The following MTUS2 variants were observed in gnomAD, a reference collection of about 807,000 sequenced individuals.
The protein encoded by MTUS2 is microtubule-associated tumor suppressor candidate 2.
In MTUS2, 40 loss-of-function variants were observed where a neutral mutation model predicts 114.1. That is an observed-to-expected ratio of 0.35 (90% CI 0.27 to 0.46). The LOEUF (loss-of-function observed/expected upper bound fraction) is 0.46. MTUS2 is among the 20% of genes least tolerant of loss of function. The pLI, the probability that MTUS2 is intolerant of heterozygous loss-of-function variation, is 1.00. For synonymous variants in MTUS2, 688 were observed against 672.0 expected, an observed-to-expected ratio of 1.02 and a Z score of -0.37; for missense variants, 1,679 against 1,705.4, an observed-to-expected ratio of 0.98 and a Z score of 0.27.
chr13:29,389,518 TGTGTATATATGTATACAC>T (rs1873037458), intron 8 of MTUS2, among the ~76,000 whole-genome samples: 5 of 56,188 alleles, frequency 8.9e-5, no homozygotes, highest in Non-Finnish European at 2.3e-4. Flanking sequence ...CGTGTGTGTA[TGTGTATATATGTATACAC>T]GTGTGTATAT....
At chr13:29,196,203 TCTC>T (rs1442945101) in intron 5 of MTUS2, among the ~76,000 whole-genome samples, 3 of 151,676 alleles carry the variant, frequency 2.0e-5, no homozygotes, top group East Asian at 1.9e-4. Context: ...TTCAAGCAAT[TCTC>T]CTACCTCAGC....
At chr13:29,366,523 A>G (rs1029523888) in intron 8 of MTUS2, among the ~76,000 whole-genome samples, 1 of 152,180 alleles carries the variant, frequency 6.6e-6, no homozygotes, top group Non-Finnish European at 1.5e-5. Flanking sequence ...CAGTTGGTAG[A>G]GCATGACACT....
intron 10 of MTUS2, chr13:29,487,654 G>C: frequency 1.9e-6 from 1 of 536,596 alleles, no homozygotes; most frequent in Non-Finnish European, 3.4e-6. Flanking sequence ...GGACTCTAAA[G>C]AGGTACCTCA....
intron 3 of MTUS2, among the ~76,000 whole-genome samples, chr13:29,031,577 T>A (rs1474093402): frequency 6.6e-6 from 1 of 151,988 alleles, no homozygotes; most frequent in Admixed American, 6.6e-5. Flanking sequence ...CAGAATCCCC[T>A]TTTCTTTAGG....
chr13:28,935,216 G>A (rs989607429), intron 2 of MTUS2, among the ~76,000 whole-genome samples: 1 of 151,800 alleles, frequency 6.6e-6, no homozygotes, highest in Non-Finnish European at 1.5e-5. Flanking sequence ...GGGACATTCG[G>A]GTTGTTTCTA....
intron 8 of MTUS2, among the ~76,000 whole-genome samples, chr13:29,411,776 C>G (rs138312189): frequency 4.0e-4 from 61 of 152,284 alleles, no homozygotes; most frequent in African/African-American, 1.4e-3. Context: ...AAGTTTTCCT[C>G]AGAGAGATGT....
chr13:29,489,606 ACTGATGTGTGGCTCTTACCT>A (rs1188945657), intron 11 of MTUS2: 1 of 152,180 alleles, frequency 6.6e-6, no homozygotes, highest in Admixed American at 6.5e-5. Flanking sequence ...TTAAAAATAT[ACTGATGTGTGGCTCTTACCT>A]CTGATATTCC....
At chr13:29,435,822 C>T (rs1329768886) in intron 8 of MTUS2, among the ~76,000 whole-genome samples, 2 of 152,230 alleles carry the variant, frequency 1.3e-5, no homozygotes, top group Admixed American at 6.5e-5. Flanking sequence ...GGGCTGTCGC[C>T]AAACTGCGCA....
At chr13:29,477,325 T>G (rs966953922) in intron 9 of MTUS2, among the ~76,000 whole-genome samples, 15 of 152,180 alleles carry the variant, frequency 9.9e-5, no homozygotes, top group African/African-American at 3.6e-4. Flanking sequence ...TATATCTACC[T>G]CTTACCTCTT....
chr13:28,906,850 T>G (rs1383816545), intron 2 of MTUS2, among the ~76,000 whole-genome samples: 1 of 151,540 alleles, frequency 6.6e-6, no homozygotes, highest in Non-Finnish European at 1.5e-5. Flanking sequence ...CCAGGAGAAC[T>G]TCCCCAATCT....
At chr13:29,356,804 T>C (rs959595070) in intron 7 of MTUS2, among the ~76,000 whole-genome samples, 1 of 152,216 alleles carries the variant, frequency 6.6e-6, no homozygotes, top group Non-Finnish European at 1.5e-5. Flanking sequence ...TTTTTCTTCC[T>C]AAAGTCTTAG....
intron 5 of MTUS2, among the ~76,000 whole-genome samples, chr13:29,155,919 G>A (rs1476486081): frequency 6.6e-6 from 1 of 151,972 alleles, no homozygotes; most frequent in Non-Finnish European, 1.5e-5. Context: ...TTAACAACTA[G>A]TATAGCACAG....
At chr13:29,168,241 G>A (rs1893399762) in intron 5 of MTUS2, among the ~76,000 whole-genome samples, 1 of 152,186 alleles carries the variant, frequency 6.6e-6, no homozygotes, top group Non-Finnish European at 1.5e-5. Flanking sequence ...TAGCCCTTGA[G>A]TATGATTTGT....
At chr13:29,371,282 A>T in intron 8 of MTUS2, among the ~76,000 whole-genome samples, 1 of 136,642 alleles carries the variant, frequency 7.3e-6, no homozygotes, top group East Asian at 2.6e-4. Flanking sequence ...CAGTGGTGTG[A>T]TCCTAGCTTA....
intron 2 of MTUS2, among the ~76,000 whole-genome samples, chr13:28,901,055 T>G (rs3001949): frequency 6.6e-6 from 1 of 152,200 alleles, no homozygotes; most frequent in South Asian, 2.1e-4. Flanking sequence ...GGTGTTGCTA[T>G]TTCCTATTTT....
chr13:29,162,632 C>G (rs1893146947), intron 5 of MTUS2, among the ~76,000 whole-genome samples: 1 of 152,222 alleles, frequency 6.6e-6, no homozygotes, highest in African/African-American at 2.4e-5. Flanking sequence ...TTGGAATAAA[C>G]ATCATGTCCT....
intron 8 of MTUS2, among the ~76,000 whole-genome samples, chr13:29,372,649 G>C (rs1338701548): frequency 6.6e-6 from 1 of 152,152 alleles, no homozygotes; most frequent in African/African-American, 2.4e-5. Flanking sequence ...TCCCTCAAAA[G>C]TGAAGGCCAA....
At chr13:28,890,520 G>A (rs571556345) in intron 2 of MTUS2, among the ~76,000 whole-genome samples, 16 of 152,142 alleles carry the variant, frequency 1.1e-4, no homozygotes, top group East Asian at 3.9e-4. Flanking sequence ...GTCTCCTAGC[G>A]TTTTTATGAG....
chr13:29,224,939 T>C (rs1896047472), intron 5 of MTUS2, among the ~76,000 whole-genome samples: 1 of 152,240 alleles, frequency 6.6e-6, no homozygotes, highest in Non-Finnish European at 1.5e-5. Flanking sequence ...ATCCAATCAC[T>C]GCACCAGGGT....
Sources: allele counts gnomAD v4.1 joint callset (sites outside exome capture counted in the v4.1 genomes callset), GRCh38; gene constraint gnomAD v4.1.1; transcripts MANE v1.5; gene names NCBI Gene and HGNC (gene_info 2026-07-23, HGNC 2026-07-21).